ACSL6: variants seen among roughly 807,000 people sequenced by gnomAD.
ACSL6 encodes acyl-CoA synthetase long chain family member 6.
Under a neutral mutation model 98.2 loss-of-function variants are expected in ACSL6, and 47 were observed. The ratio of observed to expected loss-of-function variants is 0.48; its 90% CI spans 0.38 to 0.61. ACSL6 has a LOEUF of 0.61. Among genes scored for constraint, ACSL6 ranks in the 20% least tolerant of loss-of-function variants. ACSL6 has a pLI of 0.00. For missense variants in ACSL6, 761 were observed against 913.4 expected (o/e 0.83, Z 2.15); for synonymous variants, 362 against 336.9 (o/e 1.07, Z -0.82).
chr5:131,973,607 G>T, intron 11 of ACSL6: 1 of 462,270 alleles, frequency 2.2e-6, no homozygotes, highest in South Asian at 3.8e-5. Context: ...GGCACAGGGA[G>T]ATGAAGCAGA....
intron 9 of ACSL6, among the ~76,000 whole-genome samples, chr5:131,980,329 C>T (rs1156294168): frequency 6.6e-6 from 1 of 152,148 alleles, no homozygotes; most frequent in Admixed American, 6.5e-5. Context: ...GACTTGAGGG[C>T]TAGTAAGAAT....
At chr5:131,964,449 C>G (rs1163156066) in intron 17 of ACSL6, among the ~76,000 whole-genome samples, 3 of 152,190 alleles carry the variant, frequency 2.0e-5, no homozygotes, top group Non-Finnish European at 4.4e-5. Flanking sequence ...TCACAGACTA[C>G]CTGCCTGCAA....
chr5:131,999,163 G>A (rs141345889), intron 1 of ACSL6, among the ~76,000 whole-genome samples: 1 of 152,230 alleles, frequency 6.6e-6, no homozygotes, highest in African/African-American at 2.4e-5. Context: ...GGGTATTCTG[G>A]GTATTCCGGT....
At position 131,966,572 on chromosome 5, in the gene ACSL6, G is replaced by A. The variant is rs369897243; in HGVS notation, c.1597-40C>T. Reference sequence around the variant, plus strand: ...CCATGGCTTCTCTCAGCCACATCATGAGGAATCAGGAGATGGGAAGCTGTC... The same window carrying A: ...CCATGGCTTCTCTCAGCCACATCATAAGGAATCAGGAGATGGGAAGCTGTC... On this transcript the variant is annotated intron_variant, in intron 16 of 20. Coordinates refer to ENST00000651883, the MANE Select transcript of ACSL6 (RefSeq NM_001009185.3). The A allele has an allele frequency of 4.5e-6, 7 of 1,557,890 alleles. No individual in the cohort carries two copies. In the African/African-American group the frequency reaches 8.1e-5, roughly 18 times the overall value.
intron 12 of ACSL6, 81 bp downstream of exon 12, chr5:131,973,185 C>G: frequency 6.5e-7 from 1 of 1,536,374 alleles, no homozygotes; most frequent in Admixed American, 1.9e-5. Context: ...GCACTGAAAG[C>G]CTGCCTGGGG....
intron 12 of ACSL6, 40 bp downstream of exon 12, chr5:131,973,226 C>T (rs1172383705): frequency 6.2e-7 from 1 of 1,600,080 alleles, no homozygotes; most frequent in East Asian, 2.2e-5. Context: ...AGCAAATATG[C>T]AGCCCCTCAG....
At position 131,968,588 on chromosome 5, in the gene ACSL6, T is replaced by C. The variant is rs76642058; in HGVS notation, c.1508-560A>G. Among the ~76,000 whole-genome samples, 935 of 152,276 alleles carry C rather than the reference T, an allele frequency of 6.1e-3. 6 individuals carry two copies. Among genetic ancestry groups the C allele is most frequent in the African/African-American group, 0.021 (890 of 41,540 alleles). On this transcript the variant is annotated intron_variant, in intron 15 of 20. Transcript: ENST00000651883. ...GCTGCTGCTGGTCCCACACCACATG[T>C]TGAATAACAAAGGAATGGAAAGCTG... is the stretch of plus-strand genomic sequence containing the variant.
intron 16 of ACSL6, 89 bp from the exon 17 acceptor site, chr5:131,966,621 C>G: frequency 8.9e-7 from 1 of 1,129,744 alleles, no homozygotes; most frequent in Non-Finnish European, 1.3e-6. Context: ...AGATAAGGTG[C>G]ACTACCCATC....
At chr5:131,962,798 C>T (rs113306181) in intron 17 of ACSL6, 120 bp from the exon 18 acceptor site, 3 of 1,174,212 alleles carry the variant, frequency 2.6e-6, no homozygotes, top group African/African-American at 1.5e-5. Flanking sequence ...GATTTCTTTT[C>T]CATCTGTTGT....
chr5:131,962,003 T>C (rs1056767040), intron 18 of ACSL6, among the ~76,000 whole-genome samples: 3 of 151,446 alleles, frequency 2.0e-5, no homozygotes, highest in African/African-American at 4.9e-5. Context: ...TAGTAAGACC[T>C]TGTCTCTACT....
intron 10 of ACSL6, chr5:131,975,779 T>A (rs1248683305): frequency 1.0e-6 from 1 of 985,468 alleles, no homozygotes. Flanking sequence ...TGCCTCCACG[T>A]GCTCTCCTCT....
chr5:132,000,500 T>A (rs1755029129), intron 1 of ACSL6, among the ~76,000 whole-genome samples: 1 of 150,546 alleles, frequency 6.6e-6, no homozygotes, highest in East Asian at 2.0e-4. Context: ...TACTGCAAGA[T>A]CTGTGAGGCT....
upstream of ACSL6, chr5:132,011,962 G>C: frequency 2.0e-6 from 3 of 1,533,572 alleles, no homozygotes; most frequent in Non-Finnish European, 2.6e-6. This position sits in a 1 kb window ranked among gnomAD's most constrained non-coding sequence, Gnocchi z 5.4. Context: ...GGCGACGAGC[G>C]CCAGAGCGTG....
chr5:132,007,995 C>T (rs1382072716), intron 1 of ACSL6, among the ~76,000 whole-genome samples: 2 of 152,320 alleles, frequency 1.3e-5, no homozygotes, highest in South Asian at 4.1e-4. Flanking sequence ...AGAACAATAG[C>T]TGGAGAGCAT....
intron 19 of ACSL6, among the ~76,000 whole-genome samples, chr5:131,960,155 T>C (rs1435505293): frequency 4.6e-5 from 7 of 152,180 alleles, no homozygotes; most frequent in Non-Finnish European, 8.8e-5. Flanking sequence ...TGAAGGAGCA[T>C]GGCAGGTGAG....
At chr5:132,011,899 C>T, upstream of ACSL6, 2 of 1,553,516 alleles carry the variant, frequency 1.3e-6, no homozygotes, top group Non-Finnish European at 1.7e-6. This position sits in a 1 kb window ranked among gnomAD's most constrained non-coding sequence, Gnocchi z 5.4. Context: ...CGGCCCCGCT[C>T]TCCAACGTCA....
chr5:131,956,461 C>T (rs950081261), intron 20 of ACSL6, among the ~76,000 whole-genome samples: 81 of 152,188 alleles, frequency 5.3e-4, no homozygotes, highest in African/African-American at 2.0e-3. Context: ...AATATGGCAG[C>T]CTGCTCTGGG....
intron 1 of ACSL6, among the ~76,000 whole-genome samples, chr5:131,998,201 G>A (rs1200114376): frequency 6.6e-6 from 1 of 152,196 alleles, no homozygotes; most frequent in African/African-American, 2.4e-5. Context: ...GGGGCAAGAG[G>A]AGTGTGGACA....
At chr5:131,979,468 A>G (rs967460008) in intron 9 of ACSL6, among the ~76,000 whole-genome samples, 3 of 152,260 alleles carry the variant, frequency 2.0e-5, no homozygotes, top group Non-Finnish European at 4.4e-5. Flanking sequence ...AGTTCAAGCC[A>G]AAACACGTAC....
Sources: allele counts gnomAD v4.1 joint callset (sites outside exome capture counted in the v4.1 genomes callset), GRCh38; gene constraint gnomAD v4.1.1; non-coding constraint Gnocchi (gnomAD v3.1); transcripts MANE v1.5; gene names NCBI Gene and HGNC (gene_info 2026-07-23, HGNC 2026-07-21).